The following VASH2 variants were observed in gnomAD, a reference collection of about 807,000 sequenced individuals.
The protein encoded by VASH2 is vasohibin 2, also known as tubulinyl-Tyr carboxypeptidase 2.
Under a neutral mutation model 37.2 loss-of-function variants are expected in VASH2, and 28 were observed. The observed-to-expected ratio is 0.75, with a 90% CI of 0.56 to 1.03. VASH2 has a LOEUF of 1.03. VASH2 is among the 50% of genes least tolerant of loss of function. VASH2 has a pLI of 0.00. For synonymous variants in VASH2, 188 were observed against 174.7 expected (o/e 1.08, Z -0.60); for missense variants, 419 against 459.1 (o/e 0.91, Z 0.80).
intron 2 of VASH2, among the ~76,000 whole-genome samples, chr1:212,958,183 G>C (rs1256628525): frequency 6.6e-6 from 1 of 152,176 alleles, no homozygotes; most frequent in African/African-American, 2.4e-5. Context: ...AACGTTGGGA[G>C]CCCGAGGCGC....
chr1:212,956,896 C>T (rs913632250), intron 2 of VASH2, among the ~76,000 whole-genome samples: 16 of 152,102 alleles, frequency 1.1e-4, no homozygotes, highest in Non-Finnish European at 2.2e-4. Flanking sequence ...CCATTTTCAC[C>T]GTTTTTAAGT....
At chr1:212,967,232 A>G in intron 5 of VASH2, 2 of 1,299,638 alleles carry the variant, frequency 1.5e-6, no homozygotes, top group Non-Finnish European at 2.0e-6. Flanking sequence ...TGGCATCGAC[A>G]TATTGGTGGT....
chr1:212,953,663 T>A (rs1182832900), intron 2 of VASH2, among the ~76,000 whole-genome samples: 1 of 152,182 alleles, frequency 6.6e-6, no homozygotes, highest in Non-Finnish European at 1.5e-5. Flanking sequence ...GTCATTCACT[T>A]AAAATCTCTG....
At position 212,972,895 on chromosome 1, in the gene VASH2, C is replaced by G. The variant is rs535505734; in HGVS notation, c.813C>G (p.Val271=). 1 of 1,614,110 alleles carries G rather than the reference C, an allele frequency of 6.2e-7. No individual in the cohort carries two copies. Among genetic ancestry groups the G allele is most frequent in the African/African-American group, 1.3e-5 (1 of 75,030 alleles). Residue 271 remains valine (V), a synonymous_variant, in exon 6 of 8, where the codon GTC becomes GTG. Transcript: ENST00000517399. The part of the protein sequence containing the change: ...PIEWKQLVLN[V]SKMLRADIRK... ...AGTGGAAGCAGCTGGTCCTCAACGT[C>G]TCAAAGATGCTGAGGGCTGACATAA...
chr1:212,962,643 G>T (rs921851251), intron 3 of VASH2, among the ~76,000 whole-genome samples: 11 of 152,162 alleles, frequency 7.2e-5, no homozygotes, highest in Admixed American at 5.2e-4. Flanking sequence ...TGCTCATTTG[G>T]GTAGGGAGAT....
At chr1:212,962,377 G>A (rs1457359090) in intron 3 of VASH2, among the ~76,000 whole-genome samples, 1 of 152,146 alleles carries the variant, frequency 6.6e-6, no homozygotes, top group Non-Finnish European at 1.5e-5. Context: ...CTCCATGAAT[G>A]TATAAAACAT....
intron 2 of VASH2, among the ~76,000 whole-genome samples, chr1:212,956,361 C>T (rs749826988): frequency 5.9e-5 from 9 of 152,220 alleles, no homozygotes; most frequent in Non-Finnish European, 1.3e-4. Context: ...GGGCCCCCAC[C>T]CCTAGAAAAC....
chr1:212,953,397 T>C (rs375969527), intron 2 of VASH2, among the ~76,000 whole-genome samples: 2 of 152,136 alleles, frequency 1.3e-5, no homozygotes, highest in Non-Finnish European at 1.5e-5. Context: ...AGTCGATTGT[T>C]AGGAAGCTCT....
chr1:212,958,385 C>G (rs1666560638), intron 2 of VASH2, among the ~76,000 whole-genome samples: 1 of 152,230 alleles, frequency 6.6e-6, no homozygotes. Flanking sequence ...CTCCTGCACT[C>G]TGCTTACAGC....
Position 212,972,772 on chromosome 1 carries a change from T to G in VASH2, c.690T>G (p.Phe230Leu), listed in dbSNP as rs1306444566. Residue 230 changes from phenylalanine to leucine, a missense_variant, in exon 6 of 8, where the codon TTT (phenylalanine) becomes TTG (leucine). This residue lies in a region of VASH2 where 177 missense variants were observed against 166.2 expected (regional missense o/e 1.06). Coordinates refer to ENST00000517399, the MANE Select transcript of VASH2 (RefSeq NM_001301056.2). ...LTFRTLSDLIFDFEDSYKKYL... is the reference protein window; with the variant it reads ...LTFRTLSDLILDFEDSYKKYL... The stretch of plus-strand genomic sequence containing the variant: ...TTCGGACTCTGAGTGACCTCATCTT[T>G]GACTTTGAGGACTCTTACAAGAAAT... The G allele has an allele frequency of 6.2e-7, 1 of 1,614,248 alleles. No individual in the cohort carries two copies. The highest frequency in any genetic ancestry group is 1.7e-5 in the Admixed American group (1 of 60,028).
At chr1:212,963,108 C>A (rs1666726874) in intron 3 of VASH2, among the ~76,000 whole-genome samples, 1 of 152,168 alleles carries the variant, frequency 6.6e-6, no homozygotes, top group Non-Finnish European at 1.5e-5. Context: ...ATTGATGGGG[C>A]AAATTTGCAT....
intron 7 of VASH2, 131 bp from the exon 8 acceptor site, chr1:212,988,381 G>A (rs1295082737): frequency 4.6e-6 from 4 of 863,044 alleles, no homozygotes; most frequent in African/African-American, 1.7e-5. Context: ...AAGGCTGGCA[G>A]GGTGGGGGAA....
rs1413885925 is a variant in VASH2 at position 212,951,711 on chromosome 1, C to G, written c.169C>G (p.Pro57Ala). The part of the protein sequence containing the change: ...VLFHVNKSGF[P>A]IDSHTWERMW... ...GTTCCACGTCAACAAGAGCGGCTTC[C>G]CCATCGACAGCCACACCTGGGAGCG... The change falls in exon 2 of 8, where the codon CCC (proline) becomes GCC (alanine). Residue 57 changes from proline to alanine, a missense_variant. By Grantham distance (27) the Pro-to-Ala change is conservative. Transcript: ENST00000517399. The surrounding 1 kb of genome is among the most constrained non-coding windows in gnomAD (Gnocchi z 4.4). The G allele has an allele frequency of 6.2e-7, 1 of 1,603,884 alleles. No individual in the cohort carries two copies. Among genetic ancestry groups the G allele is most frequent in the Admixed American group, 1.7e-5 (1 of 58,142 alleles).
Position 212,951,495 on chromosome 1 carries a change from G to T in VASH2, c.-48G>T. 1 of 1,190,760 alleles carries T rather than the reference G, an allele frequency of 8.4e-7. No individual in the cohort carries two copies. The highest frequency in any genetic ancestry group is 4.2e-5 in the South Asian group (1 of 23,912). The allele number at this position is 1,190,760 out of a possible 1,614,324, so 73.8% of individuals were successfully genotyped here. A position where few individuals can be genotyped will look rare whatever the true frequency, so the allele number is the denominator to read the frequency against. ...CACGCCCCCCGCCGCCGCCGCCGCT[G>T]CCGCCGCCGCGCGCCCCCAGTACCT... On this transcript the variant is annotated 5_prime_UTR_variant, in exon 2 of 8. Transcript: ENST00000517399. The surrounding 1 kb of genome is among the most constrained non-coding windows in gnomAD (Gnocchi z 4.4).
intron 7 of VASH2, among the ~76,000 whole-genome samples, chr1:212,983,958 T>G (rs1667405785): frequency 6.6e-6 from 1 of 152,218 alleles, no homozygotes; most frequent in South Asian, 2.1e-4. Context: ...ATTCCCTACC[T>G]TTCAGTACCT....
intron 3 of VASH2, among the ~76,000 whole-genome samples, chr1:212,963,720 A>C (rs569338250): frequency 2.0e-5 from 3 of 151,868 alleles, no homozygotes; most frequent in Non-Finnish European, 4.4e-5. Flanking sequence ...ACTTTCAGGG[A>C]CTCAATGATT....
intron 7 of VASH2, among the ~76,000 whole-genome samples, chr1:212,986,487 G>A (rs115239274): frequency 0.01 from 1,528 of 152,314 alleles, 10 homozygotes; most frequent in South Asian, 0.019. Context: ...AACCTGACTT[G>A]TGTGTAAGAA....
At chr1:212,954,631 G>C (rs1345311642) in intron 2 of VASH2, among the ~76,000 whole-genome samples, 1 of 152,048 alleles carries the variant, frequency 6.6e-6, no homozygotes, top group African/African-American at 2.4e-5. Context: ...TATTGGTCAG[G>C]CTGGTCTCGA....
intron 3 of VASH2, among the ~76,000 whole-genome samples, chr1:212,961,721 G>T (rs1469121645): frequency 6.6e-6 from 1 of 152,182 alleles, no homozygotes. Flanking sequence ...TCCTGCCTCA[G>T]CCTCCTGAGT....
Sources: gnomAD v4.1 joint callset for allele counts (sites outside exome capture counted in the v4.1 genomes callset) on GRCh38, gnomAD v4.1.1 for gene constraint, gnomAD v4.1.1 regional missense constraint, Gnocchi (gnomAD v3.1) non-coding constraint, MANE v1.5 for transcripts, NCBI Gene and HGNC (gene_info 2026-07-23, HGNC 2026-07-21) for gene names.